The following GRIK2 variants were observed in gnomAD, a reference collection of about 807,000 sequenced individuals.
GRIK2 encodes glutamate receptor ionotropic, kainate 2.
In GRIK2, 32 loss-of-function variants were observed where a neutral mutation model predicts 100.3. The observed-to-expected ratio is 0.32, with a 90% CI of 0.24 to 0.43. The LOEUF (loss-of-function observed/expected upper bound fraction) is 0.43, where lower values mean the gene tolerates loss of function less well. GRIK2 is among the 20% of genes least tolerant of loss of function. The pLI is 1.00. For missense variants in GRIK2, 843 were observed against 1,114.9 expected, an observed-to-expected ratio of 0.76 and a Z score of 3.47; for synonymous variants, 417 against 389.4, an observed-to-expected ratio of 1.07 and a Z score of -0.83.
At chr6:101,466,441 C>T (rs1456107694) in intron 2 of GRIK2, among the ~76,000 whole-genome samples, 1 of 151,838 alleles carries the variant, frequency 6.6e-6, no homozygotes, top group Non-Finnish European at 1.5e-5. Context: ...GACCAACACT[C>T]AATAGGAGAT....
intron 2 of GRIK2, among the ~76,000 whole-genome samples, chr6:101,411,108 G>A (rs1775866930): frequency 1.3e-5 from 2 of 151,996 alleles, no homozygotes; most frequent in South Asian, 4.1e-4. Flanking sequence ...TTTCCCTAAG[G>A]ATTCTGGGTT....
chr6:101,813,910 G>A (rs1781482174), intron 9 of GRIK2, among the ~76,000 whole-genome samples: 1 of 151,024 alleles, frequency 6.6e-6, no homozygotes, highest in Admixed American at 6.6e-5. Context: ...GTTGCAGTGA[G>A]CCGACATTGT....
At position 101,495,807 on chromosome 6, in the gene GRIK2, CT is replaced by C. The variant is rs970098524; in HGVS notation, c.115+96426del. Among the ~76,000 whole-genome samples, 498 of 144,790 alleles carry C rather than the reference CT, an allele frequency of 3.4e-3. 1 individual carries two copies. Among genetic ancestry groups the C allele is most frequent in the Middle Eastern group, 7.2e-3 (2 of 278 alleles). 95.0% of individuals were successfully genotyped at this position (144,790 alleles called of 152,430 possible). The stretch of plus-strand genomic sequence containing the variant: ...GTTGGGTTCCATTATACAAACACAC[CT>C]TTTTTTTTTTAACATAAGATTTTTC... On this transcript the variant is annotated intron_variant, in intron 2 of 16. Coordinates refer to ENST00000369134, the MANE Select transcript of GRIK2 (RefSeq NM_021956.5).
At chr6:101,818,770 A>G (rs1400456617) in intron 10 of GRIK2, among the ~76,000 whole-genome samples, 2 of 152,190 alleles carry the variant, frequency 1.3e-5, no homozygotes, top group Non-Finnish European at 2.9e-5. Context: ...AGGAATTGTC[A>G]ATGTCAAGAC....
chr6:101,399,740 G>A (rs1775182113), intron 2 of GRIK2, among the ~76,000 whole-genome samples: 1 of 152,174 alleles, frequency 6.6e-6, no homozygotes. Flanking sequence ...TGCGCGGTCC[G>A]CGCAAAAGTG....
chr6:101,589,332 A>G (rs1191705249), intron 2 of GRIK2, among the ~76,000 whole-genome samples: 1 of 152,122 alleles, frequency 6.6e-6, no homozygotes, highest in Non-Finnish European at 1.5e-5. Flanking sequence ...CTCTTTTAGA[A>G]TATTTTTAAA....
intron 4 of GRIK2, among the ~76,000 whole-genome samples, chr6:101,652,426 C>T (rs962674090): frequency 2.6e-5 from 4 of 152,122 alleles, no homozygotes; most frequent in African/African-American, 9.7e-5. Context: ...AAACTTTCAG[C>T]CTCTAGAACT....
intron 15 of GRIK2, among the ~76,000 whole-genome samples, chr6:102,046,352 T>G (rs1405549563): frequency 2.0e-5 from 3 of 152,032 alleles, no homozygotes; most frequent in Non-Finnish European, 4.4e-5. Context: ...CCAAATCTCA[T>G]GTAGAATTGT....
At chr6:101,755,503 A>G (rs1239888168) in intron 7 of GRIK2, among the ~76,000 whole-genome samples, 1 of 152,062 alleles carries the variant, frequency 6.6e-6, no homozygotes, top group Non-Finnish European at 1.5e-5. Flanking sequence ...TAGCCATATT[A>G]TATGAGTTCA....
At chr6:101,555,474 T>G (rs1187613850) in intron 2 of GRIK2, among the ~76,000 whole-genome samples, 1 of 152,174 alleles carries the variant, frequency 6.6e-6, no homozygotes, top group African/African-American at 2.4e-5. Flanking sequence ...ATGAAACATG[T>G]AGATATTTCA....
intron 12 of GRIK2, among the ~76,000 whole-genome samples, chr6:101,898,278 A>G (rs778789199): frequency 6.6e-6 from 1 of 151,918 alleles, no homozygotes; most frequent in Non-Finnish European, 1.5e-5. Flanking sequence ...GAAAAAATAA[A>G]TTTAGAAGAA....
chr6:101,741,532 A>G (rs1776031152), intron 7 of GRIK2, among the ~76,000 whole-genome samples: 1 of 152,198 alleles, frequency 6.6e-6, no homozygotes, highest in African/African-American at 2.4e-5. Context: ...TTAACATTTT[A>G]TATACCATTT....
At chr6:101,543,327 C>A (rs935645758) in intron 2 of GRIK2, among the ~76,000 whole-genome samples, 1 of 152,140 alleles carries the variant, frequency 6.6e-6, no homozygotes, top group Non-Finnish European at 1.5e-5. Flanking sequence ...TGAGGCTTTT[C>A]TTTTATTCTA....
intron 2 of GRIK2, among the ~76,000 whole-genome samples, chr6:101,514,910 T>C (rs1445307330): frequency 1.3e-5 from 2 of 152,142 alleles, no homozygotes; most frequent in Non-Finnish European, 2.9e-5. Context: ...TATTTTATTT[T>C]TCCAGAGGTT....
At chr6:101,571,246 T>TG (rs1198751091) in intron 2 of GRIK2, among the ~76,000 whole-genome samples, 1 of 152,174 alleles carries the variant, frequency 6.6e-6, no homozygotes, top group Non-Finnish European at 1.5e-5. Flanking sequence ...CGTGCCATGA[T>TG]GGTTTGCTGC....
At chr6:101,804,068 C>G (rs1365800964) in intron 9 of GRIK2, among the ~76,000 whole-genome samples, 1 of 151,734 alleles carries the variant, frequency 6.6e-6, no homozygotes, top group Non-Finnish European at 1.5e-5. Context: ...TAAATACAAT[C>G]AAAAGCTATA....
At chr6:101,712,711 A>T (rs1773802289) in intron 7 of GRIK2, among the ~76,000 whole-genome samples, 1 of 151,794 alleles carries the variant, frequency 6.6e-6, no homozygotes, top group Non-Finnish European at 1.5e-5. Flanking sequence ...TGAGGGATAC[A>T]GCATTCTCAA....
intron 7 of GRIK2, among the ~76,000 whole-genome samples, chr6:101,796,123 T>C (rs1411899715): frequency 6.6e-6 from 1 of 152,200 alleles, no homozygotes; most frequent in Non-Finnish European, 1.5e-5. Flanking sequence ...GGACAGATTA[T>C]ATGGATTAAA....
intron 9 of GRIK2, among the ~76,000 whole-genome samples, chr6:101,815,422 A>G (rs750872722): frequency 4.6e-5 from 7 of 152,122 alleles, no homozygotes; most frequent in Non-Finnish European, 1.0e-4. Flanking sequence ...AAGCACTTTC[A>G]TATTTCTTGT....
Sources: gnomAD v4.1 joint callset for allele counts (sites outside exome capture counted in the v4.1 genomes callset) on GRCh38, gnomAD v4.1.1 for gene constraint, MANE v1.5 for transcripts, NCBI Gene and HGNC (gene_info 2026-07-23, HGNC 2026-07-21) for gene names.